CEP85L: variants seen among roughly 807,000 people sequenced by gnomAD.
CEP85L encodes the protein centrosomal protein of 85 kDa-like.
In CEP85L, 60 loss-of-function variants were observed where a neutral mutation model predicts 100.3. That is an observed-to-expected ratio of 0.60 (90% CI 0.49 to 0.74). CEP85L has a LOEUF of 0.74. Ranked by LOEUF, CEP85L falls within the 30% of genes least tolerant of loss-of-function variation. The pLI, the probability that CEP85L is intolerant of heterozygous loss-of-function variation, is 0.00. For missense variants in CEP85L, 973 were observed against 936.2 expected (o/e 1.04, Z -0.51); for synonymous variants, 319 against 322.7 (o/e 0.99, Z 0.12).
intron 6 of CEP85L, among the ~76,000 whole-genome samples, chr6:118,490,924 T>C (rs1351635935): frequency 6.6e-6 from 1 of 152,046 alleles, no homozygotes; most frequent in Non-Finnish European, 1.5e-5. Context: ...TATCGATTCT[T>C]TGCTTAATGG....
At chr6:118,563,151 T>C (rs551591713) in intron 3 of CEP85L, among the ~76,000 whole-genome samples, 11 of 152,300 alleles carry the variant, frequency 7.2e-5, no homozygotes, top group African/African-American at 2.4e-4. Flanking sequence ...GAGCCTTCTG[T>C]CATAAACCAT....
chr6:118,585,383 T>C (rs1307627491), intron 2 of CEP85L, among the ~76,000 whole-genome samples: 3 of 152,204 alleles, frequency 2.0e-5, no homozygotes, highest in Non-Finnish European at 4.4e-5. Context: ...CAGTGATGCA[T>C]TGTAGGAGAC....
intron 2 of CEP85L, among the ~76,000 whole-genome samples, chr6:118,620,176 A>G (rs922630988): frequency 6.0e-4 from 92 of 152,248 alleles, no homozygotes; most frequent in South Asian, 6.2e-4. Flanking sequence ...GATTCCCTGG[A>G]AGGCCAACTT....
intron 6 of CEP85L, chr6:118,491,481 T>C: frequency 6.8e-6 from 9 of 1,321,978 alleles, no homozygotes; most frequent in Non-Finnish European, 8.7e-6. Flanking sequence ...GTTAGAAAGA[T>C]ATACAAGAGC....
In CEP85L at chr6:118,651,580, T is replaced by TCCGC; in HGVS notation, c.-312_-311insGCGG. 9.0e-7 allele frequency: 1 copy of TCCGC among 1,108,058 alleles called. No homozygotes were observed. Among genetic ancestry groups the TCCGC allele is most frequent in the Non-Finnish European group, 1.1e-6 (1 of 909,056 alleles). 68.6% of individuals were successfully genotyped at this position (1,108,058 alleles called of 1,614,324 possible). A position where few individuals can be genotyped will look rare whatever the true frequency, so the allele number is the denominator to read the frequency against. On this transcript the variant is annotated 5_prime_UTR_variant, in exon 1 of 13. Coordinates refer to ENST00000368491, the MANE Select transcript of CEP85L (RefSeq NM_001042475.3). ...CAAAGGCTCCAGGCGAAGTTGCAGC[T>TCCGC]GCGGGTTCTCTCCGCCCCCTCCGCC...
chr6:118,561,518 CAATT>C (rs1043286388), intron 3 of CEP85L, among the ~76,000 whole-genome samples: 35 of 151,804 alleles, frequency 2.3e-4, no homozygotes, highest in Admixed American at 1.3e-3. Flanking sequence ...TATAAGAAAA[CAATT>C]TATTTTTAAA....
chr6:118,468,525 G>C (rs1396697636), intron 12 of CEP85L, among the ~76,000 whole-genome samples: 1 of 152,184 alleles, frequency 6.6e-6, no homozygotes, highest in Admixed American at 6.5e-5. Flanking sequence ...ATTATGTGTG[G>C]AGGAAGACAG....
intron 2 of CEP85L, among the ~76,000 whole-genome samples, chr6:118,582,206 C>G (rs1385433105): frequency 6.6e-6 from 1 of 152,222 alleles, no homozygotes; most frequent in Non-Finnish European, 1.5e-5. Flanking sequence ...ATTCTTACCT[C>G]TGCAGGAAAT....
At chr6:118,533,595 T>G (rs1294682526) in intron 3 of CEP85L, among the ~76,000 whole-genome samples, 1 of 152,070 alleles carries the variant, frequency 6.6e-6, no homozygotes, top group Non-Finnish European at 1.5e-5. Flanking sequence ...ATTTCCCAAC[T>G]CATTTTATGA....
At chr6:118,633,456 C>T (rs1283488842) in intron 1 of CEP85L, among the ~76,000 whole-genome samples, 3 of 152,036 alleles carry the variant, frequency 2.0e-5, no homozygotes, top group Admixed American at 6.5e-5. Context: ...CACCCGCCTC[C>T]GCCTCCCAAA....
At position 118,491,218 on chromosome 6, in the gene CEP85L, CACACACACACACACACACACAT is replaced by C. The variant is rs1349098030; in HGVS notation, c.1437+446_1437+467del. 2.6e-3 allele frequency among the ~76,000 whole-genome samples: 383 copies of C among 148,940 alleles called. 1 individual carries two copies. The highest frequency in any genetic ancestry group is 9.4e-3 in the African/African-American group (366 of 38,984). ...CTATACACACACACACACACACACA[CACACACACACACACACACACAT>C]ATGCATGCATATCTAGTGTTCCTGT... On this transcript the variant is annotated intron_variant, in intron 6 of 12. Transcript: ENST00000368491.
At chr6:118,651,951 A>G, upstream of CEP85L, 3 of 984,002 alleles carry the variant, frequency 3.0e-6, no homozygotes, top group Non-Finnish European at 3.6e-6. Context: ...ACCGCTCGAG[A>G]TGAAAAAGCC....
In CEP85L at chr6:118,651,520, G is replaced by T; in HGVS notation, c.-251C>A. ...GCGCCGGGGAAGCGGCGACTCGGCG[G>T]TGACGGCTGCTAGATCCCCGGCTGA... On this transcript the variant is annotated 5_prime_UTR_variant, in exon 1 of 13. Transcript: ENST00000368491. The T allele has an allele frequency of 7.8e-7, 1 of 1,275,510 alleles. No individual in the cohort carries two copies. Among genetic ancestry groups the T allele is most frequent in the Non-Finnish European group, 9.9e-7 (1 of 1,011,918 alleles). 79.0% of individuals were successfully genotyped at this position (1,275,510 alleles called of 1,614,324 possible). A position where few individuals can be genotyped will look rare whatever the true frequency, so the allele number is the denominator to read the frequency against.
rs116331469 is a variant in CEP85L at position 118,546,249 on chromosome 6, T to C, written c.1020+19280A>G. Reference sequence around the variant, plus strand: ...CTCTTGTACCAATCTAAAAAGTAAATTTTTGAATCCATTTTCCAACTGTGT... The same window carrying C: ...CTCTTGTACCAATCTAAAAAGTAAACTTTTGAATCCATTTTCCAACTGTGT... On this transcript the variant is annotated intron_variant, in intron 3 of 12. Coordinates refer to ENST00000368491, the MANE Select transcript of CEP85L (RefSeq NM_001042475.3). Among the ~76,000 whole-genome samples the C allele has an allele frequency of 9.2e-3, 1,398 of 152,200 alleles. 24 individuals are homozygous for C. The highest frequency in any genetic ancestry group is 0.033 in the African/African-American group (1,352 of 41,536).
Position 118,465,901 on chromosome 6 carries a change from T to C in CEP85L, c.2255-333A>G, listed in dbSNP as rs561112144. ...AACTAGAGCACTCAGTTTTTCCCAT[T>C]TGGCAAAATCTGAAGACCATTTGTG... On this transcript the variant is annotated intron_variant, in intron 12 of 12. Coordinates refer to ENST00000368491, the MANE Select transcript of CEP85L (RefSeq NM_001042475.3). Among the ~76,000 whole-genome samples, 34 of 152,264 alleles carry C rather than the reference T, an allele frequency of 2.2e-4. No individual in the cohort carries two copies. The South Asian group carries it at 6.2e-3, about 28-fold the overall frequency.
chr6:118,603,666 T>G (rs1771968360), intron 2 of CEP85L, among the ~76,000 whole-genome samples: 1 of 152,234 alleles, frequency 6.6e-6, no homozygotes, highest in Non-Finnish European at 1.5e-5. Context: ...TTAAAAAGAC[T>G]AGGCTTCTTC....
At chr6:118,705,316 C>T (rs1427384229) in intron 1 of CEP85L, among the ~76,000 whole-genome samples, 4 of 152,092 alleles carry the variant, frequency 2.6e-5, no homozygotes, top group Non-Finnish European at 4.4e-5. Flanking sequence ...GATAATTTGC[C>T]CCAGACTGTG....
chr6:118,672,929 C>T (rs1776361923), intron 1 of CEP85L, among the ~76,000 whole-genome samples: 1 of 151,794 alleles, frequency 6.6e-6, no homozygotes, highest in Non-Finnish European at 1.5e-5. Flanking sequence ...AGGAGGAGCT[C>T]CCATGTGTCT....
At chr6:118,607,715 C>T (rs1320896658) in intron 2 of CEP85L, among the ~76,000 whole-genome samples, 21 of 152,132 alleles carry the variant, frequency 1.4e-4, no homozygotes, top group Admixed American at 1.2e-3. Context: ...TAACCCAATC[C>T]CATCCTTTAC....
Sources: gnomAD v4.1 joint callset for allele counts (sites outside exome capture counted in the v4.1 genomes callset) on GRCh38, gnomAD v4.1.1 for gene constraint, MANE v1.5 for transcripts, NCBI Gene and HGNC (gene_info 2026-07-23, HGNC 2026-07-21) for gene names.